AGBL3: variants seen among roughly 807,000 people sequenced by gnomAD.
AGBL3 encodes AGBL carboxypeptidase 3, also known as cytosolic carboxypeptidase 3.
AGBL3 carries 68 observed loss-of-function variants against 94.5 expected under a neutral mutation model. That is an observed-to-expected ratio of 0.72 (90% CI 0.59 to 0.88). The LOEUF is 0.88. AGBL3 is among the 40% of genes least tolerant of loss of function. The probability of loss-of-function intolerance (pLI) is 0.00; values close to 1 mark genes in which losing one functional copy is unlikely to be tolerated. For missense variants in AGBL3, 934 were observed against 1,103.8 expected, an observed-to-expected ratio of 0.85 and a Z score of 2.18; for synonymous variants, 354 against 370.7, an observed-to-expected ratio of 0.95 and a Z score of 0.52.
Position 135,004,311 on chromosome 7 carries a change from G to C in AGBL3, c.310+10633G>C, listed in dbSNP as rs906684887. The stretch of plus-strand genomic sequence containing the variant: ...AGTTAGTCATTGTGGATAATTTTTA[G>C]TGGGTTGCTGAATCCTGTTTTCTCA... On this transcript the variant is annotated intron_variant, in intron 4 of 16. Transcript: ENST00000436302. Among the ~76,000 whole-genome samples, 5 of 151,614 alleles carry C rather than the reference G, an allele frequency of 3.3e-5. No individual in the cohort carries two copies. The East Asian group carries it at 9.6e-4, about 29-fold the overall frequency.
chr7:135,031,360 A>G (rs540703842), intron 5 of AGBL3, among the ~76,000 whole-genome samples: 1 of 152,244 alleles, frequency 6.6e-6, no homozygotes, highest in Admixed American at 6.5e-5. Flanking sequence ...CCTGGGTTCA[A>G]GCGATTCTCA....
intron 3 of AGBL3, among the ~76,000 whole-genome samples, chr7:134,992,705 C>T (rs1006843668): frequency 6.6e-6 from 1 of 152,174 alleles, no homozygotes; most frequent in Non-Finnish European, 1.5e-5. Context: ...CAAACAAAGT[C>T]ATACAAAAAC....
intron 16 of AGBL3, among the ~76,000 whole-genome samples, chr7:135,132,218 G>A (rs367751797): frequency 6.6e-6 from 1 of 152,156 alleles, no homozygotes; most frequent in African/African-American, 2.4e-5. Context: ...AAAAGGAAAT[G>A]ACAGAATAAG....
intron 16 of AGBL3, among the ~76,000 whole-genome samples, chr7:135,128,291 C>CAA (rs61217008): frequency 5.3e-4 from 31 of 58,076 alleles, no homozygotes; most frequent in African/African-American, 2.0e-3. Context: ...GACTCCATCT[C>CAA]AAAAAAAAAA....
intron 15 of AGBL3, among the ~76,000 whole-genome samples, chr7:135,110,324 T>A (rs1191056955): frequency 6.6e-6 from 1 of 152,212 alleles, no homozygotes; most frequent in Non-Finnish European, 1.5e-5. Context: ...CCTAGGGGTA[T>A]GTACAGAGGT....
chr7:135,069,105 C>T (rs1819639820), intron 12 of AGBL3, among the ~76,000 whole-genome samples: 1 of 152,016 alleles, frequency 6.6e-6, no homozygotes, highest in Non-Finnish European at 1.5e-5. Context: ...GACTTTAAAC[C>T]AACAAAGATC....
intron 15 of AGBL3, among the ~76,000 whole-genome samples, chr7:135,095,977 C>A (rs985538508): frequency 1.1e-4 from 16 of 152,110 alleles, no homozygotes; most frequent in African/African-American, 3.9e-4. Flanking sequence ...CATGGTGAAA[C>A]CCTGTCTCTA....
intron 12 of AGBL3, among the ~76,000 whole-genome samples, chr7:135,073,524 T>C (rs573995700): frequency 6.9e-6 from 1 of 144,042 alleles, no homozygotes; most frequent in East Asian, 2.0e-4. Flanking sequence ...ACCTTGCAGT[T>C]TTAAGAGTGT....
chr7:135,127,435 C>T (rs1367401070), intron 16 of AGBL3, among the ~76,000 whole-genome samples: 2 of 152,100 alleles, frequency 1.3e-5, no homozygotes, highest in Non-Finnish European at 2.9e-5. Context: ...CGCCTGTAGT[C>T]CCAGCTACTC....
chr7:134,998,665 A>G (rs1811315683), intron 4 of AGBL3, among the ~76,000 whole-genome samples: 1 of 152,194 alleles, frequency 6.6e-6, no homozygotes, highest in Non-Finnish European at 1.5e-5. Flanking sequence ...CCACCAGGAA[A>G]TACAGCTGCA....
intron 16 of AGBL3, among the ~76,000 whole-genome samples, chr7:135,120,358 T>A (rs1244067512): frequency 6.6e-6 from 1 of 152,118 alleles, no homozygotes; most frequent in Non-Finnish European, 1.5e-5. Flanking sequence ...GGAGGTAAGG[T>A]TTGTACTTCA....
chr7:135,064,884 C>T (rs1237223217), intron 12 of AGBL3, among the ~76,000 whole-genome samples: 2 of 152,312 alleles, frequency 1.3e-5, no homozygotes, highest in East Asian at 3.9e-4. Context: ...AGTCTAGGGA[C>T]AAGGCTGGCT....
At chr7:135,031,239 T>A (rs1317956572) in intron 5 of AGBL3, among the ~76,000 whole-genome samples, 1 of 151,980 alleles carries the variant, frequency 6.6e-6, no homozygotes, top group South Asian at 2.1e-4. Context: ...TTTTAGGGAG[T>A]CTGTATTATA....
intron 16 of AGBL3, among the ~76,000 whole-genome samples, chr7:135,133,762 T>C (rs1829106180): frequency 6.6e-6 from 1 of 152,080 alleles, no homozygotes; most frequent in African/African-American, 2.4e-5. Context: ...ATACAAAAAT[T>C]AACTCACAAA....
At chr7:135,002,724 G>A (rs1182210495) in intron 4 of AGBL3, among the ~76,000 whole-genome samples, 1 of 152,144 alleles carries the variant, frequency 6.6e-6, no homozygotes, top group African/African-American at 2.4e-5. Flanking sequence ...CACAATGAGA[G>A]TACCTATTTT....
rs544210936 is a variant in AGBL3 at position 135,087,276 on chromosome 7, A to G, written c.2110+5486A>G. Among the ~76,000 whole-genome samples the G allele has an allele frequency of 3.3e-5, 5 of 151,894 alleles. No homozygotes were observed. The East Asian group carries it at 9.6e-4, about 29-fold the overall frequency. The stretch of plus-strand genomic sequence containing the variant: ...TGTTTTGTTGATTTTATCTTTCAAA[A>G]AAAACCAACTTTTCATTTCATTGAT... On this transcript the variant is annotated intron_variant, in intron 15 of 16. Coordinates refer to ENST00000436302, the MANE Select transcript of AGBL3 (RefSeq NM_178563.4).
At chr7:135,049,256 C>T (rs547778040) in intron 11 of AGBL3, among the ~76,000 whole-genome samples, 1 of 152,042 alleles carries the variant, frequency 6.6e-6, no homozygotes, top group African/African-American at 2.4e-5. Flanking sequence ...ACCATACTTG[C>T]ATCCCAGGGA....
Position 134,993,609 on chromosome 7 carries a change from T to C in AGBL3, c.241T>C (p.Ser81Pro). 1 of 1,552,198 alleles carries C rather than the reference T, an allele frequency of 6.4e-7. No homozygotes were observed. ...AAGGGATTTATATGGTGTCTCTTCT[T>C]CTGGTCCATTGAGCCCAACACGGTG... ...EPRDLYGVSSSGPLSPTRWPY... is the reference protein window; with the variant it reads ...EPRDLYGVSSPGPLSPTRWPY... The change falls in exon 4 of 17, where the codon TCT becomes CCT. Residue 81 changes from serine to proline, a missense_variant. Physicochemically the swap from Ser to Pro is moderately conservative, Grantham distance 74. Around this residue, in one of 3 missense-constraint regions of AGBL3, gnomAD observed 488 missense variants for 563.6 expected, o/e 0.87. Coordinates refer to ENST00000436302, the MANE Select transcript of AGBL3 (RefSeq NM_178563.4).
At chr7:135,133,418 T>C (rs1829067994) in intron 16 of AGBL3, among the ~76,000 whole-genome samples, 1 of 152,230 alleles carries the variant, frequency 6.6e-6, no homozygotes, top group African/African-American at 2.4e-5. Flanking sequence ...TTTGTATATA[T>C]AGACAAGATT....
Sources: allele counts gnomAD v4.1 joint callset (sites outside exome capture counted in the v4.1 genomes callset), GRCh38; gene constraint gnomAD v4.1.1; regional missense constraint gnomAD v4.1.1; transcripts MANE v1.5; gene names NCBI Gene and HGNC (gene_info 2026-07-23, HGNC 2026-07-21).